NLRP5: variants seen among roughly 807,000 people sequenced by gnomAD.
NLRP5 encodes the protein NACHT, LRR and PYD domains-containing protein 5.
In NLRP5, 93 loss-of-function variants were observed where a neutral mutation model predicts 113.1. That is an observed-to-expected ratio of 0.82 (90% CI 0.70 to 0.98). NLRP5 has a LOEUF of 0.98. NLRP5 is among the 50% of genes least tolerant of loss of function. NLRP5 has a pLI of 0.00. For synonymous variants in NLRP5, 751 were observed against 600.7 expected, an observed-to-expected ratio of 1.25 and a Z score of -3.66; for missense variants, 1,808 against 1,514.3, an observed-to-expected ratio of 1.19 and a Z score of -3.22.
rs139653516 is a variant in NLRP5, at chr19:56,046,399, C to CGTGTGTGTGTGTGTGTGTGTGTGT, written c.2958-4018_2958-3995dup. Among the ~76,000 whole-genome samples the CGTGTGTGTGTGTGTGTGTGTGTGT allele has an allele frequency of 8.7e-4, 129 of 148,168 alleles. 1 individual carries two copies. The highest frequency in any genetic ancestry group is 6.0e-3 in the East Asian group (30 of 5,022). ...CATCAAGGATATTGCTTTGTAGTTTCGTGTGTGTGTGTGTGTGTGTGTGTT... is the reference window on the plus strand; with the variant it reads ...CATCAAGGATATTGCTTTGTAGTTTCGTGTGTGTGTGTGTGTGTGTGTGTGTGTGTGTGTGTGTGTGTGTGTGTT... On this transcript the variant is annotated intron_variant, in intron 11 of 14. Coordinates refer to ENST00000390649, the MANE Select transcript of NLRP5 (RefSeq NM_153447.4).
At chr19:56,039,214 G>A (rs552058155) in intron 10 of NLRP5, among the ~76,000 whole-genome samples, 60 of 152,356 alleles carry the variant, frequency 3.9e-4, no homozygotes, top group African/African-American at 1.3e-3. Flanking sequence ...TGCTCAGATG[G>A]TGATGCCGGG....
At chr19:55,987,622 A>T in the NLRP5 span, among the ~76,000 whole-genome samples, 1 of 152,186 alleles carries the variant, frequency 6.6e-6, no homozygotes, top group Non-Finnish European at 1.5e-5. Flanking sequence ...AAATCATTCA[A>T]AGCTGGGTCT....
In NLRP5 at chr19:56,046,523, C is replaced by T. The variant is rs533684999; in HGVS notation, c.2958-3895C>T. On this transcript the variant is annotated intron_variant, in intron 11 of 14. Coordinates refer to ENST00000390649, the MANE Select transcript of NLRP5 (RefSeq NM_153447.4). ...CTTTCTCTATCTTGTGGAATAGTGT[C>T]GAAAGGATTGGTACCACTTCTTGTT... Among the ~76,000 whole-genome samples the T allele has an allele frequency of 8.6e-5, 13 of 150,490 alleles. 1 individual carries two copies. In the South Asian group the frequency reaches 1.3e-3, roughly 15 times the overall value.
chr19:55,993,051 G>T, the NLRP5 span, among the ~76,000 whole-genome samples: 1 of 151,904 alleles, frequency 6.6e-6, no homozygotes, highest in East Asian at 1.9e-4. Flanking sequence ...GTTTCTCCAT[G>T]TTGGTCAGGC....
chr19:56,008,987 A>AC, intron 3 of NLRP5, 134 bp downstream of exon 3: 1 of 763,692 alleles, frequency 1.3e-6, no homozygotes, highest in Non-Finnish European at 2.3e-6. Context: ...ACATTAGCTG[A>AC]CCGGATGGGT....
Position 55,999,933 on chromosome 19 carries a change from G to A in NLRP5, c.62+146G>A, listed in dbSNP as rs942329186. The A allele has an allele frequency of 4.4e-6, 3 of 676,048 alleles. No homozygotes were observed. The African/African-American group carries it at 5.3e-5, about 12-fold the overall frequency. 41.9% of individuals were successfully genotyped at this position (676,048 alleles called of 1,614,324 possible). A position where few individuals can be genotyped will look rare whatever the true frequency, so the allele number is the denominator to read the frequency against. Reference sequence around the variant, plus strand: ...AGCAGAACACTCCCCGGGGTAGAAAGAAAGTGAAAGAATGCAGGAAAAAGC... The same window carrying A: ...AGCAGAACACTCCCCGGGGTAGAAAAAAAGTGAAAGAATGCAGGAAAAAGC... On this transcript the variant is annotated intron_variant, in intron 1 of 14. Coordinates refer to ENST00000390649, the MANE Select transcript of NLRP5 (RefSeq NM_153447.4).
chr19:56,027,167 A>G lies in NLRP5; in HGVS notation c.934A>G (p.Met312Val). ...GGCGCAAGGTGGACTCTACCAGGGA[A>G]TGTTCTCCTACGTCTTCTTCCTCCC... is the stretch of plus-strand genomic sequence containing the variant. The change falls in exon 7 of 15, where the codon ATG becomes GTG. Residue 312 changes from methionine to valine, a missense_variant. Coordinates refer to ENST00000390649, the MANE Select transcript of NLRP5 (RefSeq NM_153447.4). 2.5e-6 allele frequency: 4 copies of G among 1,605,978 alleles called. No homozygotes were observed. Among genetic ancestry groups the G allele is most frequent in the South Asian group, 1.1e-5 (1 of 89,362 alleles).
chr19:55,988,099 T>C, the NLRP5 span: 350 of 544,068 alleles, frequency 6.4e-4, no homozygotes, highest in Non-Finnish European at 1.1e-3. Flanking sequence ...TGTGTATTAA[T>C]ATGCTATGTA....
At chr19:56,049,129 G>T (rs1983836446) in intron 11 of NLRP5, among the ~76,000 whole-genome samples, 1 of 149,400 alleles carries the variant, frequency 6.7e-6, no homozygotes, top group Admixed American at 6.7e-5. Flanking sequence ...CTACAGGTGT[G>T]TGCCGCCACA....
At chr19:56,037,177 G>T (rs761078171) in intron 9 of NLRP5, among the ~76,000 whole-genome samples, 2 of 152,182 alleles carry the variant, frequency 1.3e-5, no homozygotes, top group Non-Finnish European at 2.9e-5. Flanking sequence ...GGGTGGATGT[G>T]CTGGCTCGTG....
intron 3 of NLRP5, among the ~76,000 whole-genome samples, chr19:56,014,732 T>G (rs1334968657): frequency 6.6e-6 from 1 of 152,146 alleles, no homozygotes; most frequent in Non-Finnish European, 1.5e-5. Flanking sequence ...CACAGATGTA[T>G]GGGATTATTT....
chr19:56,034,258 C>T (rs1299759632), intron 9 of NLRP5, among the ~76,000 whole-genome samples: 1 of 152,158 alleles, frequency 6.6e-6, no homozygotes, highest in Non-Finnish European at 1.5e-5. Context: ...GCGTGGCAGC[C>T]ACCTGTAATC....
At chr19:56,020,344 C>T (rs751269077) in intron 5 of NLRP5, 31 bp from the exon 6 acceptor site, 18 of 1,611,270 alleles carry the variant, frequency 1.1e-5, no homozygotes, top group Admixed American at 3.3e-5. Flanking sequence ...GAATAATAAA[C>T]ACAAGTATGT....
At chr19:56,049,639 C>G (rs989032609) in intron 11 of NLRP5, among the ~76,000 whole-genome samples, 1 of 152,112 alleles carries the variant, frequency 6.6e-6, no homozygotes, top group Admixed American at 6.6e-5. Flanking sequence ...TTGTTCAATT[C>G]TATTGCTGAG....
At position 56,040,969 on chromosome 19, in the gene NLRP5, C is replaced by T; in HGVS notation, c.2834C>T (p.Ser945Leu). 1 of 1,613,970 alleles carries T rather than the reference C, an allele frequency of 6.2e-7. No individual in the cohort carries two copies. Among genetic ancestry groups the T allele is most frequent in the Non-Finnish European group, 8.5e-7 (1 of 1,179,862 alleles). Residue 945 changes from serine (S) to leucine (L), a missense_variant, in exon 11 of 15, where the codon TCA becomes TTA. Coordinates refer to ENST00000390649, the MANE Select transcript of NLRP5 (RefSeq NM_153447.4). ...GCCACGGGTTGCCAGAGTCTGGCCTCAGCCCTCGTCAGCAACCGGAGCTTG... is the reference window on the plus strand; with the variant it reads ...GCCACGGGTTGCCAGAGTCTGGCCTTAGCCCTCGTCAGCAACCGGAGCTTG...
At chr19:56,045,975 G>C (rs1286873698) in intron 11 of NLRP5, among the ~76,000 whole-genome samples, 4 of 152,202 alleles carry the variant, frequency 2.6e-5, no homozygotes, top group Admixed American at 6.5e-5. Context: ...GTGGGTCACA[G>C]AGGTCACCAT....
intron 1 of NLRP5, among the ~76,000 whole-genome samples, chr19:56,000,777 G>T (rs1319057287): frequency 1.3e-5 from 2 of 151,940 alleles, no homozygotes; most frequent in Non-Finnish European, 2.9e-5. Context: ...GGAGGCCGAG[G>T]CTGGTGGATC....
upstream of NLRP5, among the ~76,000 whole-genome samples, chr19:55,998,729 T>TATATATATATATATAC (rs1416438411): frequency 1.5e-5 from 2 of 132,816 alleles, 1 homozygote; most frequent in Non-Finnish European, 3.1e-5. Flanking sequence ...TATATATATA[T>TATATATATATATATAC]GTGTATATAT....
rs770420275 is a variant in NLRP5 at position 56,058,372 on chromosome 19, G to A, written c.3432G>A (p.Ser1144=). 29 of 1,613,782 alleles carry A rather than the reference G, an allele frequency of 1.8e-5. No individual in the cohort carries two copies. The highest frequency in any genetic ancestry group is 8.0e-5 in the African/African-American group (6 of 74,914). ...CCAAAGGAATGATGAAGCTGTGTTC[G>A]GCCTTTGCCTGTCCCACGTCTAACT... The change falls in exon 14 of 15, where the codon TCG becomes TCA. Residue 1144 remains serine, a synonymous_variant. Coordinates refer to ENST00000390649, the MANE Select transcript of NLRP5 (RefSeq NM_153447.4).
Sources: allele counts gnomAD v4.1 joint callset (sites outside exome capture counted in the v4.1 genomes callset), GRCh38; gene constraint gnomAD v4.1.1; transcripts MANE v1.5; gene names NCBI Gene and HGNC (gene_info 2026-07-23, HGNC 2026-07-21).